Variants in EYS observed in about 807,000 individuals in gnomAD.
EYS encodes EGF-like photoreceptor maintenance factor.
EYS carries 250 observed loss-of-function variants against 282.1 expected under a neutral mutation model. That is an observed-to-expected ratio of 0.89 (90% CI 0.80 to 0.98). EYS has a LOEUF of 0.98. Ranked by LOEUF, EYS falls within the 50% of genes least tolerant of loss-of-function variation. The pLI, the probability that EYS is intolerant of heterozygous loss-of-function variation, is 0.00. For missense variants in EYS, 4,016 were observed against 3,709.0 expected (o/e 1.08, Z -2.15); for synonymous variants, 1,355 against 1,282.9 (o/e 1.06, Z -1.20).
At chr6:64,603,198 G>T (rs1341671450) in intron 24 of EYS, among the ~76,000 whole-genome samples, 1 of 151,902 alleles carries the variant, frequency 6.6e-6, no homozygotes, top group African/African-American at 2.4e-5. Flanking sequence ...GTGCTTACAG[G>T]ACAAAATAAT....
At chr6:64,032,664 G>C (rs1416595482) in intron 33 of EYS, among the ~76,000 whole-genome samples, 1 of 152,148 alleles carries the variant, frequency 6.6e-6, no homozygotes, top group Non-Finnish European at 1.5e-5. Flanking sequence ...CAAATTGGGG[G>C]TACACACAGC....
At chr6:65,521,431 T>C (rs1442521662) in intron 2 of EYS, among the ~76,000 whole-genome samples, 3 of 152,154 alleles carry the variant, frequency 2.0e-5, no homozygotes, top group Admixed American at 6.5e-5. Context: ...ATCATAAAAA[T>C]ACTTTTGAGA....
intron 35 of EYS, among the ~76,000 whole-genome samples, chr6:63,947,734 T>C (rs185554571): frequency 1.5e-3 from 224 of 152,292 alleles, no homozygotes; most frequent in Admixed American, 2.8e-3. Flanking sequence ...CCTAATCGCA[T>C]AATAAGCAAT....
chr6:64,147,709 G>T (rs1488978454), intron 31 of EYS, among the ~76,000 whole-genome samples: 1 of 152,180 alleles, frequency 6.6e-6, no homozygotes, highest in Non-Finnish European at 1.5e-5. Context: ...GGGCTGCAAT[G>T]ATGAATGCCA....
chr6:64,755,497 T>TACACACACACAC (rs56705165), intron 22 of EYS, among the ~76,000 whole-genome samples: 1 of 138,916 alleles, frequency 7.2e-6, no homozygotes, highest in African/African-American at 2.7e-5. Flanking sequence ...AGAACATACA[T>TACACACACACAC]ACACACACAC....
At chr6:64,877,468 AAAT>A (rs1364010452) in intron 19 of EYS, among the ~76,000 whole-genome samples, 2 of 152,334 alleles carry the variant, frequency 1.3e-5, no homozygotes, top group Non-Finnish European at 2.9e-5. Context: ...CTAAAAATAG[AAAT>A]AATGATGATC....
At chr6:65,604,195 C>T (rs1325476002) in intron 2 of EYS, among the ~76,000 whole-genome samples, 1 of 151,842 alleles carries the variant, frequency 6.6e-6, no homozygotes, top group Non-Finnish European at 1.5e-5. Context: ...GTTTGTTCTG[C>T]CCTCTTTTTT....
rs911938894 is a variant in EYS, at chr6:65,670,073, T to C, written c.-447-30181A>G. On this transcript the variant is annotated intron_variant, in intron 1 of 42. Coordinates refer to ENST00000503581, the MANE Select transcript of EYS (RefSeq NM_001142800.2). Reference sequence around the variant, plus strand: ...CTTTCACCTGAGAAATTAGAACAAATACAACAAGATTAACCCTGCACCTTT... The same window carrying C: ...CTTTCACCTGAGAAATTAGAACAAACACAACAAGATTAACCCTGCACCTTT... Among the ~76,000 whole-genome samples, 3 of 152,132 alleles carry C rather than the reference T, an allele frequency of 2.0e-5. No individual in the cohort carries two copies. The South Asian group carries it at 6.2e-4, about 31-fold the overall frequency.
At chr6:65,336,439 G>A (rs1465599932) in intron 10 of EYS, among the ~76,000 whole-genome samples, 8 of 151,634 alleles carry the variant, frequency 5.3e-5, no homozygotes, top group African/African-American at 1.9e-4. Flanking sequence ...ATATATGTAT[G>A]TGTAAATATA....
chr6:65,371,708 C>CCTCT lies in EYS; in HGVS notation c.1299+12674_1299+12677dup, dbSNP rs140879689. On this transcript the variant is annotated intron_variant, in intron 8 of 42. Coordinates refer to ENST00000503581, the MANE Select transcript of EYS (RefSeq NM_001142800.2). ...CTTCAAATTCCTCTCTCTCTCTCTC[C>CCTCT]CTCTCTCTCTCTCTCTCTCTCTCTC... Among the ~76,000 whole-genome samples the CCTCT allele has an allele frequency of 4.4e-4, 52 of 119,150 alleles. No individual in the cohort carries two copies. In the South Asian group the frequency reaches 4.7e-3, roughly 11 times the overall value. 78.2% of individuals were successfully genotyped at this position (119,150 alleles called of 152,430 possible).
At chr6:65,091,292 A>C (rs1177226118) in intron 12 of EYS, among the ~76,000 whole-genome samples, 1 of 149,576 alleles carries the variant, frequency 6.7e-6, no homozygotes, top group Non-Finnish European at 1.5e-5. Flanking sequence ...AAAAAAAAAA[A>C]AAAACAGATT....
intron 2 of EYS, among the ~76,000 whole-genome samples, chr6:65,554,554 T>C (rs941523008): frequency 1.3e-5 from 2 of 152,180 alleles, no homozygotes; most frequent in African/African-American, 2.4e-5. Flanking sequence ...TTGTATGCCA[T>C]ATTTGCCTAC....
In EYS at chr6:63,720,013, C is replaced by T. The variant is rs1768310390; in HGVS notation, c.*583G>A. 6.6e-6 allele frequency: 1 copy of T among 152,128 alleles called. No homozygotes were observed. 9.4% of individuals were successfully genotyped at this position (152,128 alleles called of 1,614,324 possible). On this transcript the variant is annotated 3_prime_UTR_variant, in exon 43 of 43. Coordinates refer to ENST00000503581, the MANE Select transcript of EYS (RefSeq NM_001142800.2). Reference sequence around the variant, plus strand: ...AGGATTTAGCTCTTACCAGCCTGTTCTCCTCTCCTCTCACCTTCTCTTTCT... The same window carrying T: ...AGGATTTAGCTCTTACCAGCCTGTTTTCCTCTCCTCTCACCTTCTCTTTCT...
intron 12 of EYS, among the ~76,000 whole-genome samples, chr6:65,276,493 C>T (rs1326859728): frequency 2.0e-5 from 3 of 151,814 alleles, no homozygotes; most frequent in African/African-American, 7.3e-5. Flanking sequence ...GATCAACAGG[C>T]AAAGAAGAGT....
rs1272240417 is a variant in EYS, at chr6:65,503,505, A to G, written c.-332-7512T>C. Among the ~76,000 whole-genome samples the G allele has an allele frequency of 2.0e-5, 3 of 151,694 alleles. No homozygotes were observed. In the East Asian group the frequency reaches 5.8e-4, roughly 29 times the overall value. ...TCATGAATTATGCTTTCGGTGTTGT[A>G]TCAAAAAATGTATTGCCAAGCCCAG... On this transcript the variant is annotated intron_variant, in intron 2 of 42. Transcript: ENST00000503581.
chr6:64,171,808 G>A (rs1196126401), intron 31 of EYS, among the ~76,000 whole-genome samples: 3 of 152,068 alleles, frequency 2.0e-5, no homozygotes, highest in Non-Finnish European at 4.4e-5. Context: ...CTTTTTATCA[G>A]GGTTCTATAC....
chr6:65,165,203 T>C (rs1764944016), intron 12 of EYS, among the ~76,000 whole-genome samples: 1 of 151,220 alleles, frequency 6.6e-6, no homozygotes, highest in Non-Finnish European at 1.5e-5. Context: ...TGACAAATGA[T>C]GTTTTTGTAA....
chr6:65,232,411 ATAAT>A (rs201180209), intron 12 of EYS, among the ~76,000 whole-genome samples: 1,911 of 152,190 alleles, frequency 0.013, 101 homozygotes, highest in Admixed American at 0.11. Context: ...CTACTTTCTT[ATAAT>A]TAATCTTTCA....
In EYS at chr6:64,081,970, T is replaced by C; in HGVS notation, c.6457A>G (p.Asn2153Asp). ...AGLFFPSFNG[N>D]SYLELPFLKF... ...AAAAAGGGCAGTTCTAAATAGGAAT[T>C]CCCATTGAAAGATGGAAAGAATAAA... Residue 2153 changes from asparagine (N) to aspartate (D), a missense_variant, in exon 32 of 43, where the codon AAT becomes GAT. By Grantham distance (23) the Asn-to-Asp change is conservative. Coordinates refer to ENST00000503581, the MANE Select transcript of EYS (RefSeq NM_001142800.2). 1.3e-6 allele frequency: 2 copies of C among 1,544,372 alleles called. No individual in the cohort carries two copies. The highest frequency in any genetic ancestry group is 1.2e-5 in the South Asian group (1 of 83,810).
Sources: gnomAD v4.1 joint callset for allele counts (sites outside exome capture counted in the v4.1 genomes callset) on GRCh38, gnomAD v4.1.1 for gene constraint, MANE v1.5 for transcripts, NCBI Gene and HGNC (gene_info 2026-07-23, HGNC 2026-07-21) for gene names.